The following ZBTB24 variants were observed in gnomAD, a reference collection of about 807,000 sequenced individuals.
ZBTB24 encodes the protein zinc finger and BTB domain-containing protein 24.
In ZBTB24, 32 loss-of-function variants were observed where a neutral mutation model predicts 53.8. The ratio of observed to expected loss-of-function variants is 0.60; its 90% CI spans 0.45 to 0.80. The LOEUF (loss-of-function observed/expected upper bound fraction) is 0.80. ZBTB24 is among the 30% of genes least tolerant of loss of function. The pLI, the probability that ZBTB24 is intolerant of heterozygous loss-of-function variation, is 0.00. For synonymous variants in ZBTB24, 297 were observed against 306.7 expected (o/e 0.97, Z 0.33); for missense variants, 722 against 837.1 (o/e 0.86, Z 1.70).
intron 5 of ZBTB24, among the ~76,000 whole-genome samples, chr6:109,468,232 C>T (rs1440968324): frequency 6.6e-6 from 1 of 152,076 alleles, no homozygotes; most frequent in Non-Finnish European, 1.5e-5. Flanking sequence ...CCATCTCTTG[C>T]CTCTTATGGG....
At chr6:109,476,335 A>G in intron 3 of ZBTB24, 77 bp from the exon 4 acceptor site, 1 of 1,485,334 alleles carries the variant, frequency 6.7e-7, no homozygotes, top group Non-Finnish European at 9.4e-7. Flanking sequence ...GGTAAATACT[A>G]CAGTGGGTCC....
intron 5 of ZBTB24, among the ~76,000 whole-genome samples, chr6:109,474,888 TA>T (rs1776248727): frequency 6.6e-6 from 1 of 150,652 alleles, no homozygotes; most frequent in Non-Finnish European, 1.5e-5. Context: ...AATTAAAAAA[TA>T]AAAAATTAGG....
chr6:109,480,072 T>A (rs866280188), intron 2 of ZBTB24, among the ~76,000 whole-genome samples: 1 of 152,102 alleles, frequency 6.6e-6, no homozygotes. Context: ...GCACCAAGGC[T>A]CCAGACAACT....
rs1026485854 is a variant in ZBTB24, at chr6:109,464,863, T to C, written c.*988A>G. 2.6e-5 allele frequency: 4 copies of C among 152,186 alleles called. No homozygotes were observed. The highest frequency in any genetic ancestry group is 9.7e-5 in the African/African-American group (4 of 41,444). 9.4% of individuals were successfully genotyped at this position (152,186 alleles called of 1,614,324 possible). On this transcript the variant is annotated 3_prime_UTR_variant, in exon 7 of 7. Transcript: ENST00000230122. Reference sequence around the variant, plus strand: ...TTTGTGGGATTTAACTAGTCTGCAATAAAAATGAATTATAAGCTTCCATCT... The same window carrying C: ...TTTGTGGGATTTAACTAGTCTGCAACAAAAATGAATTATAAGCTTCCATCT...
intron 5 of ZBTB24, among the ~76,000 whole-genome samples, chr6:109,473,527 T>C (rs552239871): frequency 1.1e-4 from 16 of 152,208 alleles, no homozygotes; most frequent in Admixed American, 3.9e-4. Context: ...AAAGAGCAAC[T>C]CTCTTTCCGG....
In ZBTB24 at chr6:109,476,200, T is replaced by C. The variant is rs926989674; in HGVS notation, c.1179A>G (p.Leu393=). 2 of 1,614,188 alleles carry C rather than the reference T, an allele frequency of 1.2e-6. No homozygotes were observed. The highest frequency in any genetic ancestry group is 1.3e-5 in the African/African-American group (1 of 75,060). ...CTGTATGAACTCGGTAATGGCTCTTTAGCTGTCTGTTCTGGCTGAAATATT... is the reference window on the plus strand; with the variant it reads ...CTGTATGAACTCGGTAATGGCTCTTCAGCTGTCTGTTCTGGCTGAAATATT... ...CGKYFSQNRQ[L]KSHYRVHTGH... is the part of the protein sequence containing the mutation. Residue 393 remains leucine (L), a synonymous_variant, in exon 4 of 7, where the codon CTA becomes CTG. Coordinates refer to ENST00000230122, the MANE Select transcript of ZBTB24 (RefSeq NM_014797.3).
Position 109,463,600 on chromosome 6 carries a change from TTGATA to T in ZBTB24, c.*2246_*2250del, listed in dbSNP as rs1199862405. 1.6e-4 allele frequency: 24 copies of T among 152,354 alleles called. No homozygotes were observed. Among genetic ancestry groups the T allele is most frequent in the African/African-American group, 5.5e-4 (23 of 41,580 alleles). 9.4% of individuals were successfully genotyped at this position (152,354 alleles called of 1,614,324 possible). A position where few individuals can be genotyped will look rare whatever the true frequency, so the allele number is the denominator to read the frequency against. The stretch of plus-strand genomic sequence containing the variant: ...TGAAAAAAACTTTTGTCTTAGCTAC[TTGATA>T]TGAGAATCTGTTTTCAACTGTAAGT... On this transcript the variant is annotated 3_prime_UTR_variant, in exon 7 of 7. Transcript: ENST00000230122.
At chr6:109,474,355 G>A (rs1296758996) in intron 5 of ZBTB24, among the ~76,000 whole-genome samples, 12 of 152,146 alleles carry the variant, frequency 7.9e-5, no homozygotes, top group Admixed American at 7.9e-4. Flanking sequence ...TTAAGTTTAA[G>A]TGTTGGTTCT....
At chr6:109,467,799 G>A in intron 5 of ZBTB24, 65 bp from the exon 6 acceptor site, 2 of 1,545,660 alleles carry the variant, frequency 1.3e-6, no homozygotes, top group Non-Finnish European at 8.8e-7. Flanking sequence ...TATACATTCA[G>A]AATAAGACAA....
At position 109,476,267 on chromosome 6, in the gene ZBTB24, A is replaced by T; in HGVS notation, c.1121-9T>A. 6.2e-7 allele frequency: 1 copy of T among 1,614,122 alleles called. No individual in the cohort carries two copies. Among genetic ancestry groups the T allele is most frequent in the Non-Finnish European group, 8.5e-7 (1 of 1,179,996 alleles). The stretch of plus-strand genomic sequence containing the variant: ...GGTAAAAGACTTCTGTCCTGCCAAA[A>T]AAACCAAAACACTAAAACATGTAAA... On this transcript the variant is annotated splice_polypyrimidine_tract_variant and intron_variant, in intron 3 of 6. Coordinates refer to ENST00000230122, the MANE Select transcript of ZBTB24 (RefSeq NM_014797.3).
intron 5 of ZBTB24, among the ~76,000 whole-genome samples, chr6:109,469,113 C>T (rs1214388830): frequency 6.6e-6 from 1 of 152,154 alleles, no homozygotes; most frequent in Non-Finnish European, 1.5e-5. Flanking sequence ...TGTAACAACT[C>T]GGATGAATCT....
In ZBTB24 at chr6:109,464,919, C is replaced by T. The variant is rs1197196879; in HGVS notation, c.*932G>A. The T allele has an allele frequency of 1.3e-5, 2 of 152,104 alleles. No individual in the cohort carries two copies. Among genetic ancestry groups the T allele is most frequent in the Non-Finnish European group, 2.9e-5 (2 of 68,006 alleles). 9.4% of individuals were successfully genotyped at this position (152,104 alleles called of 1,614,324 possible). A position where few individuals can be genotyped will look rare whatever the true frequency, so the allele number is the denominator to read the frequency against. On this transcript the variant is annotated 3_prime_UTR_variant, in exon 7 of 7. Transcript: ENST00000230122. ...AAGTTATCAGACACAACACGTAGAT[C>T]AACATTTTCAGGAGATCAGTTAGAA... is the stretch of plus-strand genomic sequence containing the variant.
In ZBTB24 at chr6:109,466,568, T is replaced by C. The variant is rs1352564803; in HGVS notation, c.1377A>G (p.Glu459=). The change falls in exon 7 of 7, where the codon GAA becomes GAG. Residue 459 remains glutamate (E), a synonymous_variant. Coordinates refer to ENST00000230122, the MANE Select transcript of ZBTB24 (RefSeq NM_014797.3). ...LQTHIRIHRG[E]KPYSCGICGK... ...CACAAATGCCACAGGAGTATGGCTT[T>C]TCTCCTCTGTAAGAAAATAAACATT... is the stretch of plus-strand genomic sequence containing the variant. 2 of 1,611,066 alleles carry C rather than the reference T, an allele frequency of 1.2e-6. No homozygotes were observed. The highest frequency in any genetic ancestry group is 4.5e-5 in the East Asian group (2 of 44,888).
Position 109,465,530 on chromosome 6 carries a change from C to T in ZBTB24, c.*321G>A. 1 of 975,084 alleles carries T rather than the reference C, an allele frequency of 1.0e-6. No homozygotes were observed. 60.4% of individuals were successfully genotyped at this position (975,084 alleles called of 1,614,324 possible). A position where few individuals can be genotyped will look rare whatever the true frequency, so the allele number is the denominator to read the frequency against. ...AGGTTGGCAAGACCATAACCTATGG[C>T]TGTGAACATTTAAACCTTACAGAAA... On this transcript the variant is annotated 3_prime_UTR_variant, in exon 7 of 7. Transcript: ENST00000230122.
chr6:109,481,576 A>G lies in ZBTB24; in HGVS notation c.451T>C (p.Ser151Pro). ...NTAGAPVVVI[S>P]NKKNDPPKRK... The stretch of plus-strand genomic sequence containing the variant: ...TTTGGAGGATCGTTTTTCTTATTAG[A>G]GATAACAACCACTGGGGCACCAGCA... The change falls in exon 2 of 7, where the codon TCT (serine) becomes CCT (proline). Residue 151 changes from serine (S) to proline (P), a missense_variant. Physicochemically the swap from Ser to Pro is moderately conservative, Grantham distance 74. Transcript: ENST00000230122. 1.9e-6 allele frequency: 3 copies of G among 1,614,136 alleles called. No individual in the cohort carries two copies. Among genetic ancestry groups the G allele is most frequent in the Non-Finnish European group, 2.5e-6 (3 of 1,180,044 alleles).
chr6:109,481,612 T>G lies in ZBTB24; in HGVS notation c.415A>C (p.Thr139Pro). The change falls in exon 2 of 7, where the codon ACT becomes CCT. Residue 139 changes from threonine (T) to proline (P), a missense_variant. Thr to Pro is a conservative substitution (Grantham distance 38). Transcript: ENST00000230122. ...ACTGGGGCACCAGCAGTGTTCAAAGTTGTTGGCTTTGGGGAGCTATGATTA... is the reference window on the plus strand; with the variant it reads ...ACTGGGGCACCAGCAGTGTTCAAAGGTGTTGGCTTTGGGGAGCTATGATTA... ...QNNHSSPKPT[T>P]LNTAGAPVVV... 1 of 1,614,232 alleles carries G rather than the reference T, an allele frequency of 6.2e-7. No individual in the cohort carries two copies. The highest frequency in any genetic ancestry group is 8.5e-7 in the Non-Finnish European group (1 of 1,180,048).
Position 109,463,888 on chromosome 6 carries a change from G to T in ZBTB24, c.*1963C>A, listed in dbSNP as rs1020284598. ...TAGAACATTTAAAGTGACCTATGTT[G>T]TTCATGTTATAGTTCTCTTAGTGTA... is the stretch of plus-strand genomic sequence containing the variant. On this transcript the variant is annotated 3_prime_UTR_variant, in exon 7 of 7. Transcript: ENST00000230122. 6.6e-6 allele frequency: 1 copy of T among 152,130 alleles called. No homozygotes were observed. Among genetic ancestry groups the T allele is most frequent in the Admixed American group, 6.6e-5 (1 of 15,266 alleles). The allele number at this position is 152,130 out of a possible 1,614,324, so 9.4% of individuals were successfully genotyped here.
At position 109,463,013 on chromosome 6, in the gene ZBTB24, A is replaced by T. The variant is rs1775930721; in HGVS notation, c.*2838T>A. ...CATTTAACTTTTTTTTTTGAGACGG[A>T]GTCTCGCTCTGTCGCCAGGCTTGAG... On this transcript the variant is annotated 3_prime_UTR_variant, in exon 7 of 7. Coordinates refer to ENST00000230122, the MANE Select transcript of ZBTB24 (RefSeq NM_014797.3). 6.6e-6 allele frequency: 1 copy of T among 152,068 alleles called. No individual in the cohort carries two copies. The highest frequency in any genetic ancestry group is 1.5e-5 in the Non-Finnish European group (1 of 68,016). 9.4% of individuals were successfully genotyped at this position (152,068 alleles called of 1,614,324 possible).
intron 3 of ZBTB24, 90 bp from the exon 4 acceptor site, chr6:109,476,348 G>A: frequency 7.5e-7 from 1 of 1,334,954 alleles, no homozygotes; most frequent in South Asian, 1.2e-5. Flanking sequence ...GTGGGTCCAG[G>A]TCCCCATTTT....
Sources: gnomAD v4.1 joint callset for allele counts (sites outside exome capture counted in the v4.1 genomes callset) on GRCh38, gnomAD v4.1.1 for gene constraint, MANE v1.5 for transcripts, NCBI Gene and HGNC (gene_info 2026-07-23, HGNC 2026-07-21) for gene names.